Variants in KIRREL1 observed in about 807,000 individuals in gnomAD.
The protein encoded by KIRREL1 is kin of IRRE-like protein 1.
In KIRREL1, 25 loss-of-function variants were observed where a neutral mutation model predicts 83.3. That is an observed-to-expected ratio of 0.30 (90% CI 0.22 to 0.42). KIRREL1 has a LOEUF of 0.42. KIRREL1 is among the 10% of genes least tolerant of loss of function. The probability of loss-of-function intolerance (pLI) is 1.00; values close to 1 mark genes in which losing one functional copy is unlikely to be tolerated. For missense variants in KIRREL1, 812 were observed against 1,032.3 expected, an observed-to-expected ratio of 0.79 and a Z score of 2.92; for synonymous variants, 388 against 410.4, an observed-to-expected ratio of 0.95 and a Z score of 0.66.
chr1:158,025,207 C>T (rs558680313), intron 1 of KIRREL1, among the ~76,000 whole-genome samples: 12 of 152,212 alleles, frequency 7.9e-5, no homozygotes, highest in African/African-American at 2.2e-4. Context: ...CTCTTCCCAC[C>T]GGGAAAGGGA....
chr1:158,084,045 G>A (rs1156354006), intron 3 of KIRREL1, among the ~76,000 whole-genome samples: 1 of 152,060 alleles, frequency 6.6e-6, no homozygotes, highest in Non-Finnish European at 1.5e-5. Flanking sequence ...CAGGAGAATC[G>A]CTTGAACCCA....
At chr1:158,084,668 GCA>G in intron 4 of KIRREL1, 89 bp downstream of exon 4, 1 of 1,387,356 alleles carries the variant, frequency 7.2e-7, no homozygotes, top group Non-Finnish European at 9.8e-7. Flanking sequence ...AGACTCAGGA[GCA>G]CACAGACATG....
chr1:158,084,711 C>T (rs1661970829), intron 4 of KIRREL1, 132 bp downstream of exon 4: 1 of 906,032 alleles, frequency 1.1e-6, no homozygotes, highest in Non-Finnish European at 1.6e-6. Context: ...CTGGTTCAAC[C>T]CTCTCATTCT....
chr1:158,088,992 G>C (rs1027495558), intron 8 of KIRREL1, among the ~76,000 whole-genome samples: 1 of 151,986 alleles, frequency 6.6e-6, no homozygotes, highest in African/African-American at 2.4e-5. Context: ...GGGAAGCAGG[G>C]TGGGGTGGGA....
In KIRREL1 at chr1:157,999,006, C is replaced by T. The variant is rs576275958; in HGVS notation, c.52+5278C>T. Among the ~76,000 whole-genome samples the T allele has an allele frequency of 2.6e-5, 4 of 152,278 alleles. No homozygotes were observed. In the South Asian group the frequency reaches 8.3e-4, roughly 32 times the overall value. On this transcript the variant is annotated intron_variant, in intron 1 of 14. Transcript: ENST00000359209. ...CCCAGATTCAACCCCTCTTTTGTCT[C>T]CCTCCTAAGCGCCATGAGTGCCCTT...
intron 1 of KIRREL1, among the ~76,000 whole-genome samples, chr1:158,071,346 G>A (rs1239243385): frequency 3.3e-5 from 5 of 152,112 alleles, no homozygotes; most frequent in East Asian, 1.9e-4. Flanking sequence ...TTCTGGGTAC[G>A]TGTGAGTGCG....
chr1:158,073,086 A>C (rs1354959958), intron 1 of KIRREL1, among the ~76,000 whole-genome samples: 1 of 152,046 alleles, frequency 6.6e-6, no homozygotes, highest in Non-Finnish European at 1.5e-5. Context: ...GGGGCATCTG[A>C]ACTATATTTG....
rs1176930421 is a variant in KIRREL1 at position 158,093,385 on chromosome 1, C to T, written c.1518C>T (p.Ser506=). The change falls in exon 12 of 15, where the codon AGC becomes AGT. Residue 506 remains serine, a synonymous_variant. Coordinates refer to ENST00000359209, the MANE Select transcript of KIRREL1 (RefSeq NM_018240.7). ...GIIAGATIGA[S]ILLIFFFIAL... ...TAGCTGGGGCCACCATCGGCGCGAG[C>T]ATCCTGCTCATCTTCTTCTTCATCG... is the stretch of plus-strand genomic sequence containing the variant. 1 of 1,614,228 alleles carries T rather than the reference C, an allele frequency of 6.2e-7. No homozygotes were observed. The highest frequency in any genetic ancestry group is 1.1e-5 in the South Asian group (1 of 91,082).
intron 1 of KIRREL1, among the ~76,000 whole-genome samples, chr1:158,047,081 T>G (rs985502656): frequency 6.6e-6 from 1 of 152,164 alleles, no homozygotes; most frequent in South Asian, 2.1e-4. Context: ...GAGTGTCATA[T>G]GGAAGAGAAT....
intron 1 of KIRREL1, among the ~76,000 whole-genome samples, chr1:158,025,297 G>T (rs1057024690): frequency 6.6e-6 from 1 of 152,118 alleles, no homozygotes; most frequent in African/African-American, 2.4e-5. Context: ...GCCCAGGAAT[G>T]AAGAGGAATG....
chr1:158,074,570 G>A (rs41364551), intron 1 of KIRREL1, among the ~76,000 whole-genome samples: 31,182 of 152,078 alleles, frequency 0.21, 3,333 homozygotes, highest in Non-Finnish European at 0.23. Context: ...CATTACCCCT[G>A]ATCATTTGAG....
intron 1 of KIRREL1, among the ~76,000 whole-genome samples, chr1:158,033,846 G>A (rs1028293360): frequency 8.5e-5 from 13 of 152,188 alleles, no homozygotes; most frequent in African/African-American, 2.9e-4. Context: ...CAGGCATGGT[G>A]GCACGTGCCT....
At chr1:158,050,094 G>GGT (rs747402914) in intron 1 of KIRREL1, among the ~76,000 whole-genome samples, 3 of 151,966 alleles carry the variant, frequency 2.0e-5, no homozygotes, top group Non-Finnish European at 4.4e-5. Context: ...GGAGGAGAGA[G>GGT]GTGTGTGTGT....
chr1:158,005,032 T>C (rs926059606), intron 1 of KIRREL1, among the ~76,000 whole-genome samples: 6 of 152,216 alleles, frequency 3.9e-5, no homozygotes, highest in Non-Finnish European at 5.9e-5. Context: ...TTTAACATGC[T>C]TACAAAACAT....
In KIRREL1 at chr1:158,094,905, T is replaced by G. The variant is rs1020172419; in HGVS notation, c.2059T>G (p.Tyr687Asp). Residue 687 changes from tyrosine (Y) to aspartate (D), a missense_variant, in exon 15 of 15, where the codon TAT becomes GAT. Coordinates refer to ENST00000359209, the MANE Select transcript of KIRREL1 (RefSeq NM_018240.7). The surrounding 1 kb of genome is among the most constrained non-coding windows in gnomAD (Gnocchi z 4.6). ...AACCAGCCAGCTGTCCTACGAGAAC[T>G]ATGAGAAGTTCAACTCCCATCCCTT... ...DTTSQLSYEN[Y>D]EKFNSHPFPG... is the part of the protein sequence containing the mutation. The G allele has an allele frequency of 6.2e-7, 1 of 1,613,982 alleles. No homozygotes were observed. The highest frequency in any genetic ancestry group is 1.7e-5 in the Admixed American group (1 of 60,014).
intron 1 of KIRREL1, among the ~76,000 whole-genome samples, chr1:158,010,361 A>ACACACACACACAC (rs1491267940): frequency 3.9e-5 from 2 of 51,560 alleles, no homozygotes; most frequent in African/African-American, 9.6e-5. Flanking sequence ...ACACACACAC[A>ACACACACACACAC]CCCCACACAG....
intron 1 of KIRREL1, among the ~76,000 whole-genome samples, chr1:158,022,099 A>G (rs539703013): frequency 9.5e-4 from 145 of 152,140 alleles, no homozygotes; most frequent in African/African-American, 3.4e-3. Flanking sequence ...GATTCCTAGT[A>G]GGCAGCTATT....
rs954644073 is a variant in KIRREL1 at position 157,994,911 on chromosome 1, G to A, written c.52+1183G>A. Among the ~76,000 whole-genome samples the A allele has an allele frequency of 2.0e-5, 3 of 152,108 alleles. No individual in the cohort carries two copies. In the South Asian group the frequency reaches 6.2e-4, roughly 31 times the overall value. Reference sequence around the variant, plus strand: ...CACTCACGCATTCATCCACCCGAACGTTACAACTATACACAGTACATGTAT... The same window carrying A: ...CACTCACGCATTCATCCACCCGAACATTACAACTATACACAGTACATGTAT... On this transcript the variant is annotated intron_variant, in intron 1 of 14. Transcript: ENST00000359209.
chr1:158,086,377 A>G (rs1053349025), intron 4 of KIRREL1, among the ~76,000 whole-genome samples: 2 of 152,028 alleles, frequency 1.3e-5, no homozygotes, highest in Non-Finnish European at 2.9e-5. Context: ...AAGACCCTAA[A>G]AATATATAAC....
Sources: gnomAD v4.1 joint callset for allele counts (sites outside exome capture counted in the v4.1 genomes callset) on GRCh38, gnomAD v4.1.1 for gene constraint, Gnocchi (gnomAD v3.1) non-coding constraint, MANE v1.5 for transcripts, NCBI Gene and HGNC (gene_info 2026-07-23, HGNC 2026-07-21) for gene names.